HEATR4: variants seen among roughly 807,000 people sequenced by gnomAD.
The protein encoded by HEATR4 is HEAT repeat-containing protein 4.
In HEATR4, 95 loss-of-function variants were observed where a neutral mutation model predicts 108.8. The observed-to-expected ratio is 0.87, with a 90% CI of 0.74 to 1.04. The LOEUF (loss-of-function observed/expected upper bound fraction) is 1.04. Ranked by LOEUF, HEATR4 falls within the 50% of genes least tolerant of loss-of-function variation. The pLI, the probability that HEATR4 is intolerant of heterozygous loss-of-function variation, is 0.00. For missense variants in HEATR4, 1,152 were observed against 1,253.8 expected (o/e 0.92, Z 1.23); for synonymous variants, 443 against 459.4 (o/e 0.96, Z 0.46).
chr14:73,578,841 C>T, the HEATR4 span, among the ~76,000 whole-genome samples: 3 of 151,692 alleles, frequency 2.0e-5, 1 homozygote, highest in Non-Finnish European at 4.4e-5. Flanking sequence ...AATCCCAGCA[C>T]TTTGGGAGGT....
chr14:73,504,592 C>T (rs1228049966), intron 10 of HEATR4, among the ~76,000 whole-genome samples: 2 of 152,146 alleles, frequency 1.3e-5, no homozygotes, highest in African/African-American at 2.4e-5. Context: ...GCTGCTGGTC[C>T]AGGACTTTAG....
the HEATR4 span, among the ~76,000 whole-genome samples, chr14:73,605,556 C>CTTTTTTTTTTTTTTTTT: frequency 1.8e-5 from 1 of 56,912 alleles, no homozygotes; most frequent in Non-Finnish European, 3.7e-5. Context: ...CTGTAAGATT[C>CTTTTTTTTTTTTTTTTT]TTTTTTTTTT....
intron 2 of HEATR4, among the ~76,000 whole-genome samples, chr14:73,526,024 A>G (rs561792787): frequency 2.7e-4 from 41 of 151,836 alleles, no homozygotes; most frequent in African/African-American, 9.4e-4. Flanking sequence ...TGGTTTTCAC[A>G]TCGTATCAAG....
intron 11 of HEATR4, among the ~76,000 whole-genome samples, chr14:73,502,201 C>T (rs1289226909): frequency 6.6e-6 from 1 of 151,950 alleles, no homozygotes; most frequent in African/African-American, 2.4e-5. Context: ...GCCTCCTGTG[C>T]AGTCTTATCC....
At chr14:73,491,191 G>C (rs1885700771) in intron 17 of HEATR4, 11 of 1,598,396 alleles carry the variant, frequency 6.9e-6, no homozygotes, top group Non-Finnish European at 9.4e-6. Flanking sequence ...CGCAGACGCT[G>C]CCTAGCGAGA....
chr14:73,515,285 T>C (rs1006147670), intron 5 of HEATR4, among the ~76,000 whole-genome samples: 3 of 152,196 alleles, frequency 2.0e-5, no homozygotes, highest in East Asian at 1.9e-4. Context: ...TCTGTTTTTT[T>C]CCAAGATTTC....
chr14:73,599,183 T>A, the HEATR4 span, among the ~76,000 whole-genome samples: 1 of 151,238 alleles, frequency 6.6e-6, no homozygotes, highest in Non-Finnish European at 1.5e-5. Flanking sequence ...CTCCAGATCA[T>A]CCTAGCCCCC....
the HEATR4 span, chr14:73,569,605 T>G: frequency 1.2e-6 from 2 of 1,601,958 alleles, no homozygotes; most frequent in African/African-American, 1.3e-5. Context: ...CTTGGCGAGC[T>G]GGACCTGGAG....
the HEATR4 span, chr14:73,613,040 G>T: frequency 1.3e-6 from 1 of 774,356 alleles, no homozygotes; most frequent in Non-Finnish European, 1.9e-6. Flanking sequence ...TGAGTAGTCT[G>T]CCCAGAATTT....
intron 7 of HEATR4, among the ~76,000 whole-genome samples, chr14:73,511,644 G>A (rs1002006127): frequency 6.6e-6 from 1 of 152,130 alleles, no homozygotes; most frequent in Admixed American, 6.5e-5. Flanking sequence ...GGAGGTTAAG[G>A]TGGGAGGATT....
rs1466025013 is a variant in HEATR4, at chr14:73,492,184, C to T, written c.2844+882G>A. On this transcript the variant is annotated intron_variant, in intron 17 of 17. Coordinates refer to ENST00000553558, the MANE Select transcript of HEATR4 (RefSeq NM_001220484.1). This position sits in a 1 kb window ranked among gnomAD's most constrained non-coding sequence, Gnocchi z 4.9. Reference sequence around the variant, plus strand: ...ACCTCGGTGAGCCGGTGCTGCAGACCGTGCTGGAACCTGGAGATTTGCTGT... The same window carrying T: ...ACCTCGGTGAGCCGGTGCTGCAGACTGTGCTGGAACCTGGAGATTTGCTGT... 4 of 1,613,848 alleles carry T rather than the reference C, an allele frequency of 2.5e-6. No individual in the cohort carries two copies. The highest frequency in any genetic ancestry group is 2.7e-5 in the African/African-American group (2 of 74,908).
At chr14:73,491,867 G>T in intron 17 of HEATR4, 1 of 1,610,586 alleles carries the variant, frequency 6.2e-7, no homozygotes, top group Non-Finnish European at 8.5e-7. Flanking sequence ...CGCGCTGCCC[G>T]CCGCCGCGTG....
At chr14:73,500,812 A>G in intron 11 of HEATR4, 82 bp from the exon 12 acceptor site, 1 of 1,346,504 alleles carries the variant, frequency 7.4e-7, no homozygotes, top group Non-Finnish European at 1.0e-6. Flanking sequence ...CCCTCATGAT[A>G]AAATCCGGGT....
chr14:73,558,634 G>A (rs1171032112), intron 1 of HEATR4, 117 bp downstream of exon 1: 2 of 150,906 alleles, frequency 1.3e-5, no homozygotes, highest in Non-Finnish European at 2.9e-5. Flanking sequence ...GGGAATACAG[G>A]CATGAGCCAC....
chr14:73,570,106 TAC>T, the HEATR4 span, among the ~76,000 whole-genome samples: 780 of 132,850 alleles, frequency 5.9e-3, 7 homozygotes, highest in African/African-American at 0.02. Context: ...TGAGGGGAGT[TAC>T]ACTTTTTTTT....
chr14:73,559,546 A>G (rs1311015378), upstream of HEATR4, among the ~76,000 whole-genome samples: 4 of 149,890 alleles, frequency 2.7e-5, no homozygotes, highest in African/African-American at 9.8e-5. Flanking sequence ...CCTGACCAAC[A>G]TGGTGAAACC....
intron 7 of HEATR4, among the ~76,000 whole-genome samples, chr14:73,511,568 ATAAAAT>A (rs1296574983): frequency 6.8e-6 from 1 of 146,552 alleles, no homozygotes; most frequent in African/African-American, 2.5e-5. Flanking sequence ...AATAAATAAA[ATAAAAT>A]AAAAAAGAAT....
the HEATR4 span, chr14:73,620,025 C>T: frequency 1.6e-6 from 1 of 606,398 alleles, no homozygotes; most frequent in African/African-American, 1.9e-5. Flanking sequence ...TGTTCTCCGA[C>T]CTCAGACTCC....
chr14:73,491,983 G>A (rs1173754561), intron 17 of HEATR4: 1 of 1,613,964 alleles, frequency 6.2e-7, no homozygotes, highest in Admixed American at 1.7e-5. Context: ...TTGGAAGCAT[G>A]GCAGGCTCCA....
Sources: gnomAD v4.1 joint callset for allele counts (sites outside exome capture counted in the v4.1 genomes callset) on GRCh38, gnomAD v4.1.1 for gene constraint, Gnocchi (gnomAD v3.1) non-coding constraint, MANE v1.5 for transcripts, NCBI Gene and HGNC (gene_info 2026-07-23, HGNC 2026-07-21) for gene names.